The following ROBO2 variants were observed in gnomAD, a reference collection of about 807,000 sequenced individuals.
ROBO2 encodes roundabout homolog 2.
In ROBO2, 53 loss-of-function variants were observed where a neutral mutation model predicts 160.8. That is an observed-to-expected ratio of 0.33 (90% confidence interval 0.26 to 0.41). The LOEUF is 0.41. Among genes scored for constraint, ROBO2 ranks in the 10% least tolerant of loss-of-function variants. ROBO2 has a pLI of 1.00. For synonymous variants in ROBO2, 664 were observed against 611.7 expected (o/e 1.09, Z -1.26); for missense variants, 1,577 against 1,722.4 (o/e 0.92, Z 1.49).
At chr3:76,054,190 A>G (rs1242020000) in intron 2 of ROBO2, among the ~76,000 whole-genome samples, 1 of 152,240 alleles carries the variant, frequency 6.6e-6, no homozygotes, top group East Asian at 1.9e-4. Flanking sequence ...TCATGAACGA[A>G]TCCTGATTTG....
intron 2 of ROBO2, among the ~76,000 whole-genome samples, chr3:76,230,782 G>T (rs1704576128): frequency 6.6e-6 from 1 of 152,060 alleles, no homozygotes; most frequent in Non-Finnish European, 1.5e-5. Context: ...CTGTGAACAT[G>T]ACCTTATTTG....
intron 2 of ROBO2, among the ~76,000 whole-genome samples, chr3:76,945,465 T>C (rs923275539): frequency 3.3e-5 from 5 of 152,160 alleles, no homozygotes; most frequent in Non-Finnish European, 7.3e-5. Flanking sequence ...TCTGTTGATT[T>C]ATAGTTTTTA....
At chr3:77,108,216 G>T (rs1354762395) in intron 2 of ROBO2, among the ~76,000 whole-genome samples, 3 of 142,620 alleles carry the variant, frequency 2.1e-5, no homozygotes, top group Admixed American at 7.0e-5. Flanking sequence ...ATATATATAT[G>T]TATACACATA....
At chr3:77,601,282 G>A (rs1302193754) in intron 19 of ROBO2, among the ~76,000 whole-genome samples, 1 of 152,082 alleles carries the variant, frequency 6.6e-6, no homozygotes, top group East Asian at 1.9e-4. Flanking sequence ...ATTTTAAAAT[G>A]TACTATATAA....
intron 1 of ROBO2, among the ~76,000 whole-genome samples, chr3:77,060,138 A>T (rs1045477103): frequency 2.6e-5 from 4 of 152,196 alleles, no homozygotes; most frequent in Admixed American, 2.6e-4. Context: ...TTTGAGTTCA[A>T]ATAATGTTTT....
At chr3:76,225,799 C>T (rs967204004) in intron 2 of ROBO2, among the ~76,000 whole-genome samples, 2 of 152,114 alleles carry the variant, frequency 1.3e-5, no homozygotes, top group African/African-American at 4.8e-5. Context: ...TGAATTCAGA[C>T]TTATTTTTAA....
chr3:76,546,177 C>G (rs2083086806), intron 2 of ROBO2, among the ~76,000 whole-genome samples: 1 of 151,796 alleles, frequency 6.6e-6, no homozygotes, highest in Non-Finnish European at 1.5e-5. Flanking sequence ...CAGTATAAAT[C>G]CAAAATATTT....
chr3:77,201,038 C>A (rs1420229058), intron 2 of ROBO2, among the ~76,000 whole-genome samples: 1 of 152,162 alleles, frequency 6.6e-6, no homozygotes. Context: ...ATATGAAGCT[C>A]CTACTAGGTG....
At chr3:77,304,950 G>T (rs2062973074) in intron 2 of ROBO2, among the ~76,000 whole-genome samples, 1 of 152,170 alleles carries the variant, frequency 6.6e-6, no homozygotes, top group South Asian at 2.1e-4. Context: ...ATGACCAGGT[G>T]CAGTTCTCTG....
At chr3:76,037,101 A>C (rs1355052710) in intron 2 of ROBO2, among the ~76,000 whole-genome samples, 1 of 151,898 alleles carries the variant, frequency 6.6e-6, no homozygotes, top group African/African-American at 2.4e-5. Context: ...ATTGTATATC[A>C]ATAGGCCTTT....
At position 76,939,979 on chromosome 3, in the gene ROBO2, A is replaced by ATTTT. The variant is rs71104641; in HGVS notation, c.110-158018_110-158015dup. On this transcript the variant is annotated intron_variant, in intron 2 of 26. Transcript: ENST00000487694. ...GGCAGAGGAAGGACAAAGCAACAGG[A>ATTTT]TTTTTTTTTTTTTTTTTTTTGAGAC... 2.4e-3 allele frequency among the ~76,000 whole-genome samples: 293 copies of ATTTT among 120,518 alleles called. 22 individuals are homozygous for ATTTT. Among genetic ancestry groups the ATTTT allele is most frequent in the African/African-American group, 8.5e-3 (243 of 28,632 alleles). 79.1% of individuals were successfully genotyped at this position (120,518 alleles called of 152,430 possible).
chr3:76,815,187 A>G (rs1398404915), intron 2 of ROBO2, among the ~76,000 whole-genome samples: 1 of 152,092 alleles, frequency 6.6e-6, no homozygotes, highest in Non-Finnish European at 1.5e-5. Context: ...AAATTTTTGT[A>G]AAGGATCTAG....
At chr3:77,509,045 C>T (rs1254459376) in intron 5 of ROBO2, among the ~76,000 whole-genome samples, 1 of 151,980 alleles carries the variant, frequency 6.6e-6, no homozygotes, top group African/African-American at 2.4e-5. Flanking sequence ...AGGGGTAACT[C>T]AAAGCAGTGG....
intron 2 of ROBO2, among the ~76,000 whole-genome samples, chr3:77,295,838 G>T (rs2062024844): frequency 6.7e-6 from 1 of 149,576 alleles, no homozygotes; most frequent in Non-Finnish European, 1.5e-5. Flanking sequence ...AAAATTGACG[G>T]GTAAACGGGT....
In ROBO2 at chr3:77,025,459, A is replaced by C. The variant is rs1003440872; in HGVS notation, c.110-72555A>C. 7.9e-5 allele frequency among the ~76,000 whole-genome samples: 12 copies of C among 152,220 alleles called. 1 individual carries two copies. Among genetic ancestry groups the C allele is most frequent in the Admixed American group, 7.9e-4 (12 of 15,284 alleles). On this transcript the variant is annotated intron_variant, in intron 2 of 26. Coordinates refer to the ROBO2 transcript ENST00000487694. ...AAATTTATTGCTAAGGGCAAAACTAATGTCCTGCAGTGACTTGGAAATTTG... is the reference window on the plus strand; with the variant it reads ...AAATTTATTGCTAAGGGCAAAACTACTGTCCTGCAGTGACTTGGAAATTTG...
At chr3:76,410,189 A>G (rs924779101) in intron 2 of ROBO2, among the ~76,000 whole-genome samples, 1 of 152,114 alleles carries the variant, frequency 6.6e-6, no homozygotes, top group African/African-American at 2.4e-5. Context: ...CTAAAAGCCA[A>G]TGAGGCCCTA....
intron 5 of ROBO2, among the ~76,000 whole-genome samples, chr3:77,512,389 G>A (rs1349742118): frequency 6.6e-6 from 1 of 151,924 alleles, no homozygotes; most frequent in African/African-American, 2.4e-5. Flanking sequence ...AAAGATTTAA[G>A]TTTCTGCAGG....
chr3:75,936,001 G>A (rs910649160), intron 1 of ROBO2, among the ~76,000 whole-genome samples: 2 of 152,130 alleles, frequency 1.3e-5, no homozygotes, highest in African/African-American at 4.8e-5. Context: ...ACTAAATTGG[G>A]TAAAGAATGT....
At chr3:77,420,436 C>T (rs1298732765) in intron 2 of ROBO2, among the ~76,000 whole-genome samples, 2 of 152,012 alleles carry the variant, frequency 1.3e-5, no homozygotes, top group Admixed American at 6.6e-5. Context: ...AAAAGCCTTC[C>T]CATTTCAAGG....
Sources: allele counts gnomAD v4.1 joint callset (sites outside exome capture counted in the v4.1 genomes callset), GRCh38; gene constraint gnomAD v4.1.1; transcripts MANE v1.5; gene names NCBI Gene and HGNC (gene_info 2026-07-23, HGNC 2026-07-21).